PCDH8: variants seen among roughly 807,000 people sequenced by gnomAD.
PCDH8 encodes the protein protocadherin-8.
A neutral mutation model predicts 58.2 loss-of-function variants in PCDH8; 36 were observed. The ratio of observed to expected loss-of-function variants is 0.62; its 90% CI spans 0.47 to 0.82. The LOEUF is 0.82. PCDH8 is among the 40% of genes least tolerant of loss of function. PCDH8 has a pLI of 0.00. For synonymous variants in PCDH8, 775 were observed against 728.9 expected, an observed-to-expected ratio of 1.06 and a Z score of -1.02; for missense variants, 1,493 against 1,567.8, an observed-to-expected ratio of 0.95 and a Z score of 0.81.
Position 52,847,108 on chromosome 13 carries a change from G to A in PCDH8, c.1329C>T (p.Tyr443=). Residue 443 remains tyrosine (Y), a synonymous_variant, in exon 1 of 3, where the codon TAC becomes TAT. Transcript: ENST00000377942. ...CGGTCACCACCAGGTAGCTGCCCGC[G>A]TAGGCCGGCTGCAGCCGGAAGTGCT... ...GHEHFRLQPA[Y]AGSYLVVTAA... 2.6e-6 allele frequency: 4 copies of A among 1,559,214 alleles called. No homozygotes were observed. The highest frequency in any genetic ancestry group is 3.5e-6 in the Non-Finnish European group (4 of 1,159,252).
At position 52,844,244 on chromosome 13, in the gene PCDH8, A is replaced by G. The variant is rs187299535; in HGVS notation, c.*316T>C. ...ACTTTAGCTTTTATTATATAAAAAT[A>G]TAACAAAATTTCATTATATACAAAC... On this transcript the variant is annotated 3_prime_UTR_variant, in exon 3 of 3. Transcript: ENST00000377942. 5.9e-6 allele frequency: 1 copy of G among 169,334 alleles called. No individual in the cohort carries two copies. Among genetic ancestry groups the G allele is most frequent in the Admixed American group, 6.3e-5 (1 of 15,832 alleles). The allele number at this position is 169,334 out of a possible 1,614,324, so 10.5% of individuals were successfully genotyped here.
At chr13:52,845,296 C>A in intron 2 of PCDH8, 129 bp downstream of exon 2, 5 of 860,078 alleles carry the variant, frequency 5.8e-6, no homozygotes, top group Non-Finnish European at 9.3e-6. Flanking sequence ...CCCGTATCCG[C>A]AGCTGTAGGA....
rs548016632 is a variant in PCDH8 at position 52,846,002 on chromosome 13, G to T, written c.2435C>A (p.Ala812Asp). The change falls in exon 1 of 3, where the codon GCC becomes GAC. Residue 812 changes from alanine (A) to aspartate (D), a missense_variant. Physicochemically the swap from Ala to Asp is moderately radical, Grantham distance 126 (BLOSUM62 -2). Transcript: ENST00000377942. ...GTCGAACATGTTGGGCCTGGGCCCG[G>T]CTCCCCGGGCGGCCTCCTCCGGGGA... is the stretch of plus-strand genomic sequence containing the variant. Reference protein sequence around the residue: ...PGSPEEAARGAGPRPNMFDVL... With the variant: ...PGSPEEAARGDGPRPNMFDVL... 11 of 1,468,490 alleles carry T rather than the reference G, an allele frequency of 7.5e-6. No homozygotes were observed. Among genetic ancestry groups the T allele is most frequent in the Non-Finnish European group, 9.8e-6 (11 of 1,125,550 alleles). The allele number at this position is 1,468,490 out of a possible 1,614,324, so 91.0% of individuals were successfully genotyped here.
rs1278442287 is a variant in PCDH8 at position 52,847,232 on chromosome 13, G to T, written c.1205C>A (p.Pro402Gln). 6 of 1,393,930 alleles carry T rather than the reference G, an allele frequency of 4.3e-6. No homozygotes were observed. In the East Asian group the frequency reaches 1.7e-4, roughly 40 times the overall value. 86.3% of individuals were successfully genotyped at this position (1,393,930 alleles called of 1,614,324 possible). A position where few individuals can be genotyped will look rare whatever the true frequency, so the allele number is the denominator to read the frequency against. Residue 402 changes from proline to glutamine, a missense_variant, in exon 1 of 3, where the codon CCG becomes CAG. This residue lies in a region of PCDH8 where 1,307 missense variants were observed against 1,362.7 expected (regional missense o/e 0.96). Transcript: ENST00000377942. ...CAGGCTCTCGCGCGCCGCCCCCTCC[G>T]GCACCAGCGAAGTGGCACCAGCCTC... ...TPEAGATSLV[P>Q]EGAARESLVA...
In PCDH8 at chr13:52,845,295, G is replaced by A; in HGVS notation, c.2839+130C>T. Reference sequence around the variant, plus strand: ...CACCGTGTGAGGCAGGCCCGTATCCGCAGCTGTAGGAGTGAGAAAAAGTGG... The same window carrying A: ...CACCGTGTGAGGCAGGCCCGTATCCACAGCTGTAGGAGTGAGAAAAAGTGG... On this transcript the variant is annotated intron_variant, in intron 2 of 2. Transcript: ENST00000377942. 9.4e-6 allele frequency: 8 copies of A among 852,556 alleles called. No individual in the cohort carries two copies. The South Asian group carries it at 1.3e-4, about 13-fold the overall frequency. The allele number at this position is 852,556 out of a possible 1,614,324, so 52.8% of individuals were successfully genotyped here. A position where few individuals can be genotyped will look rare whatever the true frequency, so the allele number is the denominator to read the frequency against.
rs1965760083 is a variant in PCDH8, at chr13:52,847,454, T to G, written c.983A>C (p.Asp328Ala). 1 of 1,590,216 alleles carries G rather than the reference T, an allele frequency of 6.3e-7. No homozygotes were observed. ...DTYELDVRAQ[D>A]RGPGPRAATC... ...GGCAGCGCGGGGCCCGGGTCCGCGG[T>G]CCTGCGCCCGCACGTCCAGCTCGTA... The change falls in exon 1 of 3, where the codon GAC (aspartate) becomes GCC (alanine). Residue 328 changes from aspartate (D) to alanine (A), a missense_variant. By Grantham distance (126) the Asp-to-Ala change is moderately radical (BLOSUM62 -2). This residue lies in a region of PCDH8 where 1,307 missense variants were observed against 1,362.7 expected (regional missense o/e 0.96). Coordinates refer to ENST00000377942, the MANE Select transcript of PCDH8 (RefSeq NM_002590.4).
In PCDH8 at chr13:52,847,609, T is replaced by G. The variant is rs1315531889; in HGVS notation, c.828A>C (p.Gly276=). 2 of 1,572,880 alleles carry G rather than the reference T, an allele frequency of 1.3e-6. No individual in the cohort carries two copies. The highest frequency in any genetic ancestry group is 8.6e-7 in the Non-Finnish European group (1 of 1,167,774). Residue 276 remains glycine, a synonymous_variant, in exon 1 of 3, where the codon GGA becomes GGC. Coordinates refer to ENST00000377942, the MANE Select transcript of PCDH8 (RefSeq NM_002590.4). ...ATGCGAACACCACGTCGCCGTTAGG[T>G]CCCTCGTCGGGGTCGGCTGCGTCCA... is the stretch of plus-strand genomic sequence containing the variant. ...LDLDAADPDE[G]PNGDVVFAFG...
rs1380133507 is a variant in PCDH8, at chr13:52,844,788, C to T, written c.2985G>A (p.Arg995=). Residue 995 remains arginine (R), a synonymous_variant, in exon 3 of 3, where the codon CGG becomes CGA. Transcript: ENST00000377942. ...AGTAATTGTCCCTGCGCAGAGGATC[C>T]CGAGGCAGTGACGTGCTCTTACAGA... The part of the protein sequence containing the change: ...STFCKSTSLP[R]DPLRRDNYYQ... 1.2e-6 allele frequency: 2 copies of T among 1,613,196 alleles called. No homozygotes were observed. The highest frequency in any genetic ancestry group is 1.7e-6 in the Non-Finnish European group (2 of 1,179,662).
chr13:52,845,822 C>T lies in PCDH8; in HGVS notation c.2615G>A (p.Arg872His), dbSNP rs2138353506. 3 of 1,508,976 alleles carry T rather than the reference C, an allele frequency of 2.0e-6. No homozygotes were observed. Among genetic ancestry groups the T allele is most frequent in the African/African-American group, 1.4e-5 (1 of 71,932 alleles). The allele number at this position is 1,508,976 out of a possible 1,614,324, so 93.5% of individuals were successfully genotyped here. ...AGGCCTCACCTCGGCGTGCGCGCCG[C>T]GGAGCCGCTGCTGCCCCTCGAAGTG... Reference protein sequence around the residue: ...ACHFEGQQRLRGAHAEPYGAS... With the variant: ...ACHFEGQQRLHGAHAEPYGAS... The change falls in exon 1 of 3, where the codon CGC becomes CAC. Residue 872 changes from arginine to histidine, a missense_variant. By Grantham distance (29) the Arg-to-His change is conservative. This residue lies in a region of PCDH8 where 1,307 missense variants were observed against 1,362.7 expected (regional missense o/e 0.96). Transcript: ENST00000377942.
Position 52,844,512 on chromosome 13 carries a change from G to A in PCDH8, c.*48C>T. 6.8e-7 allele frequency: 1 copy of A among 1,479,522 alleles called. No individual in the cohort carries two copies. Among genetic ancestry groups the A allele is most frequent in the Non-Finnish European group, 9.0e-7 (1 of 1,105,510 alleles). The allele number at this position is 1,479,522 out of a possible 1,614,324, so 91.6% of individuals were successfully genotyped here. On this transcript the variant is annotated 3_prime_UTR_variant, in exon 3 of 3. Transcript: ENST00000377942. ...ACACTGAAACCGGTCAATAACTTAG[G>A]GGCTTCTCGGAGTGACCTGTATATG...
At position 52,845,944 on chromosome 13, in the gene PCDH8, G is replaced by A. The variant is rs1368222686; in HGVS notation, c.2493C>T (p.Pro831=). The A allele has an allele frequency of 7.4e-6, 11 of 1,488,876 alleles. No individual in the cohort carries two copies. Among genetic ancestry groups the A allele is most frequent in the Non-Finnish European group, 8.8e-6 (10 of 1,131,910 alleles). 92.2% of individuals were successfully genotyped at this position (1,488,876 alleles called of 1,614,324 possible). Residue 831 remains proline, a synonymous_variant, in exon 1 of 3, where the codon CCC becomes CCT. Coordinates refer to ENST00000377942, the MANE Select transcript of PCDH8 (RefSeq NM_002590.4). The stretch of plus-strand genomic sequence containing the variant: ...GCGCGTCCGCCGCGGGGCTGCCAAA[G>A]GGCGCTTTGCCGGTGCCAGGGAAGG... ...VLTFPGTGKA[P]FGSPAADAPP...
chr13:52,845,441 G>A lies in PCDH8; in HGVS notation c.2823C>T (p.Ile941=). Residue 941 remains isoleucine, a synonymous_variant, in exon 2 of 3, where the codon ATC becomes ATT. Coordinates refer to ENST00000377942, the MANE Select transcript of PCDH8 (RefSeq NM_002590.4). ...AGTCCTCACCACTCTGCATGTGGTTGATGAGATCCTTTTTCAGAGCGTCCC... is the reference window on the plus strand; with the variant it reads ...AGTCCTCACCACTCTGCATGTGGTTAATGAGATCCTTTTTCAGAGCGTCCC... The part of the protein sequence containing the change: ...ISGDALKKDL[I]NHMQSGLWAC... 1.9e-6 allele frequency: 3 copies of A among 1,614,200 alleles called. No individual in the cohort carries two copies. The highest frequency in any genetic ancestry group is 2.2e-5 in the East Asian group (1 of 44,874).
At position 52,848,181 on chromosome 13, in the gene PCDH8, C is replaced by T. The variant is rs113194848; in HGVS notation, c.256G>A (p.Gly86Arg). 2.5e-6 allele frequency: 4 copies of T among 1,612,608 alleles called. No homozygotes were observed. Among genetic ancestry groups the T allele is most frequent in the East Asian group, 2.2e-5 (1 of 44,854 alleles). The change falls in exon 1 of 3, where the codon GGG (glycine) becomes AGG (arginine). Residue 86 changes from glycine to arginine, a missense_variant. Coordinates refer to ENST00000377942, the MANE Select transcript of PCDH8 (RefSeq NM_002590.4). Reference protein sequence around the residue: ...VREGDGQLTVGDAGLDRERLC... With the variant: ...VREGDGQLTVRDAGLDRERLC... ...CGCTCGCGGTCCAGGCCGGCGTCCC[C>T]GACGGTCAGCTGCCCGTCGCCTTCG...
In PCDH8 at chr13:52,847,556, C is replaced by T. The variant is rs1254095298; in HGVS notation, c.881G>A (p.Arg294His). 1 of 1,567,518 alleles carries T rather than the reference C, an allele frequency of 6.4e-7. No homozygotes were observed. The change falls in exon 1 of 3, where the codon CGC becomes CAC. Residue 294 changes from arginine (R) to histidine (H), a missense_variant. Around this residue, in one of 3 missense-constraint regions of PCDH8, gnomAD observed 1,307 missense variants for 1,362.7 expected, o/e 0.96. Transcript: ENST00000377942. ...TCGCGGGTCAAGCCGAAAGAGGCGG[C>T]GCGCCTCCGGCGGGGTGCGGGCGCC... ...AFGARTPPEA[R>H]RLFRLDPRSG... is the part of the protein sequence containing the mutation.
rs1162664185 is a variant in PCDH8 at position 52,848,540 on chromosome 13, G to A, written c.-104C>T. On this transcript the variant is annotated 5_prime_UTR_variant, in exon 1 of 3. Transcript: ENST00000377942. ...CGGAATCACGCTCTTTGCGAGCCCT[G>A]TGCGGGAGAAGTCTGCGGGTAGCAG... 3 of 1,449,468 alleles carry A rather than the reference G, an allele frequency of 2.1e-6. No individual in the cohort carries two copies. The highest frequency in any genetic ancestry group is 2.5e-5 in the East Asian group (1 of 40,556). 89.8% of individuals were successfully genotyped at this position (1,449,468 alleles called of 1,614,324 possible). A position where few individuals can be genotyped will look rare whatever the true frequency, so the allele number is the denominator to read the frequency against.
At chr13:52,845,019 G>A (rs1965708230) in intron 2 of PCDH8, 86 bp from the exon 3 acceptor site, 1 of 1,421,638 alleles carries the variant, frequency 7.0e-7, no homozygotes, top group Non-Finnish European at 9.5e-7. Flanking sequence ...ATGTCAGCCT[G>A]GGTCAGGGCA....
chr13:52,845,938 G>T lies in PCDH8; in HGVS notation c.2499C>A (p.Gly833=). ...TFPGTGKAPF[G]SPAADAPPPA... ...GCGGAGGCGCGTCCGCCGCGGGGCT[G>T]CCAAAGGGCGCTTTGCCGGTGCCAG... Residue 833 remains glycine, a synonymous_variant, in exon 1 of 3, where the codon GGC becomes GGA. Coordinates refer to ENST00000377942, the MANE Select transcript of PCDH8 (RefSeq NM_002590.4). The T allele has an allele frequency of 6.7e-7, 1 of 1,487,066 alleles. No homozygotes were observed. The highest frequency in any genetic ancestry group is 8.8e-7 in the Non-Finnish European group (1 of 1,130,806). The allele number at this position is 1,487,066 out of a possible 1,614,324, so 92.1% of individuals were successfully genotyped here.
In PCDH8 at chr13:52,846,016, C is replaced by G; in HGVS notation, c.2421G>C (p.Glu807Asp). 6.8e-7 allele frequency: 1 copy of G among 1,480,814 alleles called. No individual in the cohort carries two copies. Among genetic ancestry groups the G allele is most frequent in the Non-Finnish European group, 8.8e-7 (1 of 1,133,202 alleles). The allele number at this position is 1,480,814 out of a possible 1,614,324, so 91.7% of individuals were successfully genotyped here. ...GCCTGGGCCCGGCTCCCCGGGCGGC[C>G]TCCTCCGGGGAGCCGGGAGCCGAGG... is the stretch of plus-strand genomic sequence containing the variant. ...GGASAPGSPE[E>D]AARGAGPRPN... The change falls in exon 1 of 3, where the codon GAG becomes GAC. Residue 807 changes from glutamate to aspartate, a missense_variant. This residue lies in a region of PCDH8 where 1,307 missense variants were observed against 1,362.7 expected (regional missense o/e 0.96). Coordinates refer to ENST00000377942, the MANE Select transcript of PCDH8 (RefSeq NM_002590.4).
Position 52,846,469 on chromosome 13 carries a change from C to CT in PCDH8, c.1967dup (p.Glu657GlyfsTer263). 6.3e-7 allele frequency: 1 copy of CT among 1,598,828 alleles called. No individual in the cohort carries two copies. The highest frequency in any genetic ancestry group is 8.5e-7 in the Non-Finnish European group (1 of 1,179,402). On this transcript the variant is annotated frameshift_variant, in exon 1 of 3. Coordinates refer to ENST00000377942, the MANE Select transcript of PCDH8 (RefSeq NM_002590.4). LOFTEE classifies it high-confidence loss of function. ...CGATGGCGAAGGCTTCGCGCGGCTC[C>CT]TGCTGCTGCAGCTCGAACGCCAGCT...
Sources: gnomAD v4.1 joint callset for allele counts on GRCh38, gnomAD v4.1.1 for gene constraint, gnomAD v4.1.1 regional missense constraint, MANE v1.5 for transcripts, NCBI Gene and HGNC (gene_info 2026-07-23, HGNC 2026-07-21) for gene names.